Variants in NBEA observed in about 807,000 individuals in gnomAD.
The protein encoded by NBEA is lysosomal-trafficking regulator 2.
A neutral mutation model predicts 343.4 loss-of-function variants in NBEA; 44 were observed. That is an observed-to-expected ratio of 0.13 (90% CI 0.10 to 0.16). The LOEUF (loss-of-function observed/expected upper bound fraction) is 0.16. Among genes scored for constraint, NBEA ranks in the 10% least tolerant of loss-of-function variants. The probability of loss-of-function intolerance (pLI) is 1.00; values close to 1 mark genes in which losing one functional copy is unlikely to be tolerated. For synonymous variants in NBEA, 1,175 were observed against 1,238.7 expected, an observed-to-expected ratio of 0.95 and a Z score of 1.08; for missense variants, 2,555 against 3,631.3, an observed-to-expected ratio of 0.70 and a Z score of 7.62.
intron 38 of NBEA, among the ~76,000 whole-genome samples, chr13:35,362,117 A>G (rs74912256): frequency 0.011 from 1,632 of 152,152 alleles, 25 homozygotes; most frequent in African/African-American, 0.038. Flanking sequence ...TTCAGTTGTC[A>G]ACACTAGTAT....
intron 1 of NBEA, among the ~76,000 whole-genome samples, chr13:34,980,911 T>C (rs2060335117): frequency 6.6e-6 from 1 of 152,180 alleles, no homozygotes. Context: ...TGTATTTTCT[T>C]AAAATAGCTT....
At chr13:35,353,199 G>A (rs1320184762) in intron 38 of NBEA, among the ~76,000 whole-genome samples, 1 of 152,140 alleles carries the variant, frequency 6.6e-6, no homozygotes, top group Non-Finnish European at 1.5e-5. Flanking sequence ...ACTTTGGGAG[G>A]CCAAGGCTGC....
intron 33 of NBEA, among the ~76,000 whole-genome samples, chr13:35,222,575 C>T (rs967329389): frequency 6.6e-6 from 1 of 151,506 alleles, no homozygotes; most frequent in Admixed American, 6.6e-5. Flanking sequence ...TTTATTATTT[C>T]ATTTTCTCTC....
At chr13:35,059,430 T>C (rs1324767329) in intron 8 of NBEA, among the ~76,000 whole-genome samples, 1 of 151,902 alleles carries the variant, frequency 6.6e-6, no homozygotes, top group Non-Finnish European at 1.5e-5. Flanking sequence ...CTAGGTAAGA[T>C]AGAGCGTGCA....
chr13:35,507,336 C>T (rs1464077774), intron 41 of NBEA, among the ~76,000 whole-genome samples: 6 of 151,976 alleles, frequency 3.9e-5, no homozygotes, highest in African/African-American at 7.2e-5. Context: ...CAATTACTCT[C>T]CTGGTAATCT....
At chr13:35,533,442 A>G (rs117550779) in intron 41 of NBEA, among the ~76,000 whole-genome samples, 3,451 of 152,238 alleles carry the variant, frequency 0.023, 39 homozygotes, top group South Asian at 0.043. Context: ...TTATATGCAC[A>G]TATAGGTATG....
intron 56 of NBEA, 96 bp downstream of exon 56, chr13:35,665,282 A>G (rs2085297178): frequency 1.0e-5 from 10 of 996,582 alleles, no homozygotes; most frequent in South Asian, 3.0e-5. Flanking sequence ...GAAGCTTCCC[A>G]TAGACAAATG....
intron 17 of NBEA, among the ~76,000 whole-genome samples, chr13:35,136,902 G>A (rs965030347): frequency 2.6e-5 from 4 of 152,194 alleles, no homozygotes; most frequent in African/African-American, 9.6e-5. Context: ...ATTTGAAGTA[G>A]ACGAAGACCC....
At position 35,380,178 on chromosome 13, in the gene NBEA, C is replaced by T. The variant is rs574241509; in HGVS notation, c.6179+27855C>T. Among the ~76,000 whole-genome samples, 4 of 151,928 alleles carry T rather than the reference C, an allele frequency of 2.6e-5. 1 individual carries two copies. The South Asian group carries it at 8.3e-4, about 32-fold the overall frequency. ...TTGTAGTTTTGGCCGGGCACGGTGG[C>T]TCACACCTGTAATCCCAGCACTTTG... On this transcript the variant is annotated intron_variant, in intron 38 of 58. Coordinates refer to ENST00000379939, the MANE Select transcript of NBEA (RefSeq NM_001385012.1).
intron 18 of NBEA, among the ~76,000 whole-genome samples, chr13:35,149,490 A>G (rs571681806): frequency 6.6e-6 from 1 of 152,214 alleles, no homozygotes; most frequent in African/African-American, 2.4e-5. Context: ...GGTAGGTTCC[A>G]TGATATATAT....
chr13:35,145,094 G>T (rs1019693091), intron 18 of NBEA, among the ~76,000 whole-genome samples: 15 of 152,152 alleles, frequency 9.9e-5, no homozygotes, highest in African/African-American at 3.6e-4. Context: ...AGAACAACAG[G>T]TGTGGTTTAT....
chr13:35,350,486 C>G (rs1017770471), intron 37 of NBEA, among the ~76,000 whole-genome samples: 3 of 151,860 alleles, frequency 2.0e-5, no homozygotes, highest in African/African-American at 7.3e-5. Context: ...TATCCCCCAC[C>G]CGACACACAC....
At chr13:35,290,358 T>C in intron 34 of NBEA, 31 bp from the exon 35 acceptor site, 1 of 1,463,866 alleles carries the variant, frequency 6.8e-7, no homozygotes, top group Non-Finnish European at 9.5e-7. Context: ...CCATTGTAAT[T>C]TCATTTTGTT....
intron 47 of NBEA, among the ~76,000 whole-genome samples, chr13:35,602,149 C>T (rs2082082632): frequency 6.6e-6 from 1 of 152,170 alleles, no homozygotes; most frequent in Non-Finnish European, 1.5e-5. Context: ...TAGTAATTGC[C>T]ATCTTCTTGC....
At chr13:34,968,436 A>T (rs1023878377) in intron 1 of NBEA, among the ~76,000 whole-genome samples, 1 of 152,294 alleles carries the variant, frequency 6.6e-6, no homozygotes, top group African/African-American at 2.4e-5. Flanking sequence ...TATGGTCAAA[A>T]GGGTCTTGTT....
At chr13:35,156,654 A>C (rs2069195402) in intron 20 of NBEA, among the ~76,000 whole-genome samples, 1 of 152,168 alleles carries the variant, frequency 6.6e-6, no homozygotes, top group South Asian at 2.1e-4. Flanking sequence ...TCATTGCCTG[A>C]GTCTATAATT....
chr13:35,302,603 C>T (rs1421568943), intron 35 of NBEA, among the ~76,000 whole-genome samples: 2 of 151,954 alleles, frequency 1.3e-5, no homozygotes, highest in Non-Finnish European at 2.9e-5. Flanking sequence ...TGACAGAAAA[C>T]AAAACATTCA....
intron 36 of NBEA, among the ~76,000 whole-genome samples, chr13:35,321,990 T>G (rs531692895): frequency 6.6e-6 from 1 of 152,306 alleles, no homozygotes; most frequent in East Asian, 1.9e-4. Context: ...ACTGCTGTGC[T>G]GGCAGCGAGA....
intron 38 of NBEA, among the ~76,000 whole-genome samples, chr13:35,371,938 A>C (rs631616): frequency 6.6e-6 from 1 of 152,000 alleles, no homozygotes; most frequent in Non-Finnish European, 1.5e-5. Context: ...TGGAGGCTGT[A>C]GTAAAGTTTT....
Sources: gnomAD v4.1 joint callset for allele counts (sites outside exome capture counted in the v4.1 genomes callset) on GRCh38, gnomAD v4.1.1 for gene constraint, MANE v1.5 for transcripts, NCBI Gene and HGNC (gene_info 2026-07-23, HGNC 2026-07-21) for gene names.